Variants in MYLK observed in about 807,000 individuals in gnomAD.
MYLK encodes the protein myosin light chain kinase, also known as myosin light chain kinase, smooth muscle.
MYLK carries 106 observed loss-of-function variants against 203.4 expected under a neutral mutation model. That is an observed-to-expected ratio of 0.52 (90% CI 0.45 to 0.61). The LOEUF (loss-of-function observed/expected upper bound fraction) is 0.61, where lower values mean the gene tolerates loss of function less well. Ranked by LOEUF, MYLK falls within the 20% of genes least tolerant of loss-of-function variation. MYLK has a pLI of 0.00. For missense variants in MYLK, 2,072 were observed against 2,442.3 expected, an observed-to-expected ratio of 0.85 and a Z score of 3.20; for synonymous variants, 867 against 959.5, an observed-to-expected ratio of 0.90 and a Z score of 1.78.
chr3:123,673,046 G>C (rs2059963716), intron 20 of MYLK, among the ~76,000 whole-genome samples: 1 of 152,128 alleles, frequency 6.6e-6, no homozygotes, highest in African/African-American at 2.4e-5. Context: ...AGCTGGAAAT[G>C]GGATCTGAGC....
chr3:123,814,206 C>G (rs567395689), intron 3 of MYLK: 1 of 259,134 alleles, frequency 3.9e-6, no homozygotes, highest in Non-Finnish European at 7.7e-6. Context: ...TTACAGATAC[C>G]AAGCCTCTAG....
At chr3:123,739,468 G>A (rs913267895) in intron 6 of MYLK, among the ~76,000 whole-genome samples, 5 of 152,326 alleles carry the variant, frequency 3.3e-5, no homozygotes, top group East Asian at 1.9e-4. Context: ...CCCAGTGGGG[G>A]CTCAAGGGCC....
chr3:123,722,889 A>G (rs867964914), intron 12 of MYLK, among the ~76,000 whole-genome samples: 7 of 152,218 alleles, frequency 4.6e-5, no homozygotes, highest in Non-Finnish European at 8.8e-5. Context: ...GAAAAGATAA[A>G]TATAGGGAAC....
At chr3:123,811,827 C>A (rs1450875542) in intron 3 of MYLK, among the ~76,000 whole-genome samples, 1 of 152,106 alleles carries the variant, frequency 6.6e-6, no homozygotes, top group African/African-American at 2.4e-5. Context: ...CAGCTAGGCC[C>A]CTCCAGGTGT....
Position 123,643,535 on chromosome 3 carries a change from G to A in MYLK, c.4620-3031C>T, listed in dbSNP as rs12636933. Among the ~76,000 whole-genome samples, 7 of 152,280 alleles carry A rather than the reference G, an allele frequency of 4.6e-5. No homozygotes were observed. In the East Asian group the frequency reaches 1.4e-3, roughly 29 times the overall value. On this transcript the variant is annotated intron_variant, in intron 27 of 33. Coordinates refer to ENST00000360304, the MANE Select transcript of MYLK (RefSeq NM_053025.4). ...GGTTCAACTTTCTAAGATGGAAGGG[G>A]TTAAAGAGGCAGGATTAATGGTTCT...
Position 123,732,890 on chromosome 3 carries a change from A to G in MYLK, c.1516+6T>C, listed in dbSNP as rs1351260045. 1 of 1,613,186 alleles carries G rather than the reference A, an allele frequency of 6.2e-7. No homozygotes were observed. ...AATGCGGGGTGACCTGGAGAAGTGTACTCACTTTCCACTTGGAGGGTCCAG... is the reference window on the plus strand; with the variant it reads ...AATGCGGGGTGACCTGGAGAAGTGTGCTCACTTTCCACTTGGAGGGTCCAG... On this transcript the variant is annotated splice_donor_region_variant and intron_variant, in intron 11 of 33. Transcript: ENST00000360304.
intron 3 of MYLK, among the ~76,000 whole-genome samples, chr3:123,824,993 T>C (rs1325061152): frequency 6.6e-6 from 1 of 151,666 alleles, no homozygotes; most frequent in African/African-American, 2.4e-5. Flanking sequence ...TACAAAGAAT[T>C]CAAAAGCTGG....
intron 6 of MYLK, 38 bp from the exon 7 acceptor site, chr3:123,739,100 G>A (rs1422412694): frequency 4.4e-6 from 7 of 1,609,026 alleles, no homozygotes; most frequent in Non-Finnish European, 8.5e-7. Flanking sequence ...TCCCAGACAA[G>A]GCAGCAATTC....
chr3:123,710,839 T>C (rs945930271), intron 13 of MYLK, among the ~76,000 whole-genome samples: 1 of 152,104 alleles, frequency 6.6e-6, no homozygotes, highest in South Asian at 2.1e-4. Context: ...CATTAACAGG[T>C]GAGTAAAACA....
chr3:123,858,725 C>A (rs1056797931), intron 2 of MYLK, among the ~76,000 whole-genome samples: 1 of 152,134 alleles, frequency 6.6e-6, no homozygotes, highest in Non-Finnish European at 1.5e-5. Context: ...GAAGGCAGAG[C>A]CCACATGACC....
At chr3:123,794,778 T>C (rs2064924971) in intron 3 of MYLK, among the ~76,000 whole-genome samples, 1 of 152,246 alleles carries the variant, frequency 6.6e-6, no homozygotes, top group Admixed American at 6.5e-5. Context: ...CATTTCATCA[T>C]AAAACTTGAA....
chr3:123,674,080 C>G (rs1438348307), intron 20 of MYLK, among the ~76,000 whole-genome samples: 2 of 152,176 alleles, frequency 1.3e-5, no homozygotes, highest in African/African-American at 4.8e-5. Flanking sequence ...CCAATACATC[C>G]AACTACCTGA....
chr3:123,713,797 C>T (rs2061796782), intron 13 of MYLK, among the ~76,000 whole-genome samples: 1 of 152,182 alleles, frequency 6.6e-6, no homozygotes, highest in African/African-American at 2.4e-5. Context: ...AAGCAACCTT[C>T]CCAAAGCAAG....
chr3:123,721,798 C>T (rs1236812358), intron 13 of MYLK, among the ~76,000 whole-genome samples: 1 of 148,854 alleles, frequency 6.7e-6, no homozygotes, highest in African/African-American at 2.4e-5. Flanking sequence ...TTCCCCCATA[C>T]CTTTCCATGG....
intron 27 of MYLK, 29 bp downstream of exon 27, chr3:123,647,195 G>T: frequency 6.2e-7 from 1 of 1,609,492 alleles, no homozygotes; most frequent in Non-Finnish European, 8.5e-7. Flanking sequence ...TCCCTGTGGT[G>T]CCCACGCTGC....
chr3:123,733,709 T>C lies in MYLK; in HGVS notation c.1287A>G (p.Gln429=), dbSNP rs755418245. Residue 429 remains glutamine (Q), a synonymous_variant, in exon 10 of 34, where the codon CAA becomes CAG. Transcript: ENST00000360304. ...CACCTTCACATCTGAACTTGACAGT[T>C]TGATTTTCCTTGACCTCCTGGCTTT... is the stretch of plus-strand genomic sequence containing the variant. The part of the protein sequence containing the change: ...KPQSQEVKEN[Q]TVKFRCEVSG... 3.7e-6 allele frequency: 6 copies of C among 1,614,162 alleles called. No homozygotes were observed. The highest frequency in any genetic ancestry group is 1.7e-5 in the Admixed American group (1 of 60,030).
chr3:123,745,617 G>A lies in MYLK; in HGVS notation c.374-5616C>T, dbSNP rs182552714. ...ACCAGTGCTTATATATACTAGGAACGGAATCCCTTTCTTAGTACAGGGGAT... is the reference window on the plus strand; with the variant it reads ...ACCAGTGCTTATATATACTAGGAACAGAATCCCTTTCTTAGTACAGGGGAT... On this transcript the variant is annotated intron_variant, in intron 5 of 33. Coordinates refer to ENST00000360304, the MANE Select transcript of MYLK (RefSeq NM_053025.4). 2.7e-3 allele frequency among the ~76,000 whole-genome samples: 417 copies of A among 152,104 alleles called. 1 individual carries two copies. Among genetic ancestry groups the A allele is most frequent in the Middle Eastern group, 0.014 (4 of 294 alleles).
chr3:123,719,129 G>A (rs2062004644), intron 13 of MYLK, among the ~76,000 whole-genome samples: 2 of 152,210 alleles, frequency 1.3e-5, no homozygotes, highest in African/African-American at 2.4e-5. Flanking sequence ...CAGCAATCTC[G>A]ATGATTGCAA....
intron 2 of MYLK, among the ~76,000 whole-genome samples, chr3:123,873,577 A>T (rs1186920519): frequency 1.3e-5 from 2 of 152,310 alleles, no homozygotes; most frequent in South Asian, 4.1e-4. Flanking sequence ...TAGAACTAAT[A>T]AGTCAGTTTA....
Sources: gnomAD v4.1 joint callset for allele counts (sites outside exome capture counted in the v4.1 genomes callset) on GRCh38, gnomAD v4.1.1 for gene constraint, MANE v1.5 for transcripts, NCBI Gene and HGNC (gene_info 2026-07-23, HGNC 2026-07-21) for gene names.